Variants in RBFOX1 observed in about 807,000 individuals in gnomAD.
RBFOX1 encodes the protein RNA binding fox-1 homolog 1, also known as RNA binding protein fox-1 homolog 1.
Under a neutral mutation model 57.7 loss-of-function variants are expected in RBFOX1, and 8 were observed. That is an observed-to-expected ratio of 0.14 (90% CI 0.08 to 0.25). RBFOX1 has a LOEUF of 0.25. RBFOX1 is among the 10% of genes least tolerant of loss of function. The probability of loss-of-function intolerance (pLI) is 1.00; values close to 1 mark genes in which losing one functional copy is unlikely to be tolerated. For synonymous variants in RBFOX1, 326 were observed against 222.4 expected, an observed-to-expected ratio of 1.47 and a Z score of -4.15; for missense variants, 611 against 548.5, an observed-to-expected ratio of 1.11 and a Z score of -1.14.
chr16:5,289,507 T>A, intron 1 of RBFOX1: 1 of 173,926 alleles, frequency 5.7e-6, no homozygotes, highest in Admixed American at 6.5e-5. Context: ...ATTTTATACA[T>A]GTAGACCTGG....
chr16:7,611,091 A>G (rs1596464180), intron 10 of RBFOX1, among the ~76,000 whole-genome samples: 1 of 152,202 alleles, frequency 6.6e-6, no homozygotes, highest in East Asian at 1.9e-4. Flanking sequence ...CATGTTTTAT[A>G]ATATTCTCAT....
At position 6,654,631 on chromosome 16, in the gene RBFOX1, T is replaced by C; in HGVS notation, c.-35T>C. On this transcript the variant is annotated 5_prime_UTR_variant, in exon 3 of 16. Coordinates refer to ENST00000550418, the MANE Select transcript of RBFOX1 (RefSeq NM_018723.4). ...ATCAAAGCAGACTGCAATACCTGCG[T>C]GGAAATAGAAGACAGAAAGGTGAGT... The C allele has an allele frequency of 1.3e-6, 2 of 1,510,598 alleles. No individual in the cohort carries two copies. The highest frequency in any genetic ancestry group is 1.8e-6 in the Non-Finnish European group (2 of 1,138,630). The allele number at this position is 1,510,598 out of a possible 1,614,324, so 93.6% of individuals were successfully genotyped here.
rs559430514 is a variant in RBFOX1, at chr16:6,089,163, G to T, written c.-127+69171G>T. Among the ~76,000 whole-genome samples, 291 of 151,866 alleles carry T rather than the reference G, an allele frequency of 1.9e-3. 1 individual carries two copies. Among genetic ancestry groups the T allele is most frequent in the African/African-American group, 6.2e-3 (257 of 41,392 alleles). The stretch of plus-strand genomic sequence containing the variant: ...AGGACCACCAAGTGATCATTTATAA[G>T]ATGCTGCGAGAATTGCTAAAGTTGA... On this transcript the variant is annotated intron_variant, in intron 1 of 15. Coordinates refer to ENST00000550418, the MANE Select transcript of RBFOX1 (RefSeq NM_018723.4).
At chr16:6,063,834 C>T (rs965414762) in intron 1 of RBFOX1, among the ~76,000 whole-genome samples, 13 of 152,158 alleles carry the variant, frequency 8.5e-5, no homozygotes, top group Non-Finnish European at 1.3e-4. Context: ...AGATGCTTGA[C>T]AGCCTCCTTG....
intron 4 of RBFOX1, among the ~76,000 whole-genome samples, chr16:5,977,679 C>T (rs1470383874): frequency 6.6e-6 from 1 of 152,072 alleles, no homozygotes. Flanking sequence ...GGAAAACAGG[C>T]TCAGTTGTCT....
At position 5,529,848 on chromosome 16, in the gene RBFOX1, A is replaced by C. The variant is rs1405088725; in HGVS notation, c.258+62594A>C. Reference sequence around the variant, plus strand: ...TTCCCAAAGTGCTGGAATTACAGGCATGAGCCATCGTGCCTGTCCTCAGTG... The same window carrying C: ...TTCCCAAAGTGCTGGAATTACAGGCCTGAGCCATCGTGCCTGTCCTCAGTG... On this transcript the variant is annotated intron_variant, in intron 2 of 2. Coordinates refer to the RBFOX1 transcript ENST00000585867. 2.6e-5 allele frequency among the ~76,000 whole-genome samples: 4 copies of C among 152,122 alleles called. No individual in the cohort carries two copies. In the East Asian group the frequency reaches 7.7e-4, roughly 29 times the overall value.
intron 3 of RBFOX1, among the ~76,000 whole-genome samples, chr16:5,849,468 A>C (rs997064236): frequency 6.6e-6 from 1 of 152,114 alleles, no homozygotes; most frequent in African/African-American, 2.4e-5. Flanking sequence ...CCAGGCATCC[A>C]GTTTCTCCCA....
chr16:6,054,496 C>T (rs1045167152), intron 1 of RBFOX1, among the ~76,000 whole-genome samples: 6 of 152,040 alleles, frequency 3.9e-5, no homozygotes, highest in Admixed American at 2.0e-4. Flanking sequence ...AGAGTAAATG[C>T]GAAGTATATC....
At chr16:6,002,322 G>C (rs1015261609) in intron 4 of RBFOX1, among the ~76,000 whole-genome samples, 56 of 152,244 alleles carry the variant, frequency 3.7e-4, no homozygotes, top group Admixed American at 1.2e-3. Context: ...TAGATTAACA[G>C]GCTAATTTGC....
At chr16:6,931,343 A>ACACG (rs1338213700) in intron 3 of RBFOX1, among the ~76,000 whole-genome samples, 1 of 114,382 alleles carries the variant, frequency 8.7e-6, no homozygotes, top group African/African-American at 2.8e-5. Flanking sequence ...CTATCTCTAC[A>ACACG]CACACACACA....
At chr16:5,800,817 C>A (rs968752314) in intron 3 of RBFOX1, among the ~76,000 whole-genome samples, 2 of 151,974 alleles carry the variant, frequency 1.3e-5, no homozygotes, top group African/African-American at 4.8e-5. Context: ...TTTTCTGGGG[C>A]AAATCACAGA....
At chr16:6,054,491 A>C (rs1213276109) in intron 1 of RBFOX1, among the ~76,000 whole-genome samples, 1 of 152,228 alleles carries the variant, frequency 6.6e-6, no homozygotes, top group African/African-American at 2.4e-5. Flanking sequence ...CTTTGAGAGT[A>C]AATGCGAAGT....
At chr16:6,110,764 A>G (rs1328820576) in intron 1 of RBFOX1, among the ~76,000 whole-genome samples, 1 of 152,280 alleles carries the variant, frequency 6.6e-6, no homozygotes, top group South Asian at 2.1e-4. Flanking sequence ...ACACTAGGCC[A>G]TGCCTTGAGA....
intron 3 of RBFOX1, among the ~76,000 whole-genome samples, chr16:6,945,981 T>C (rs974120207): frequency 6.6e-6 from 1 of 152,224 alleles, no homozygotes; most frequent in Admixed American, 6.5e-5. Flanking sequence ...CACAAGTGTC[T>C]TTTGGCCTGA....
chr16:5,725,318 A>G (rs761478967), intron 3 of RBFOX1, among the ~76,000 whole-genome samples: 3 of 152,070 alleles, frequency 2.0e-5, no homozygotes, highest in Non-Finnish European at 4.4e-5. Flanking sequence ...GTCTTAGCTC[A>G]CTGTAGGCTT....
chr16:5,818,107 G>A (rs2055709913), intron 3 of RBFOX1, among the ~76,000 whole-genome samples: 1 of 152,174 alleles, frequency 6.6e-6, no homozygotes, highest in Non-Finnish European at 1.5e-5. Context: ...TCCCCATTCT[G>A]ATCACTAGTA....
At chr16:6,846,257 C>G (rs919332625) in intron 3 of RBFOX1, among the ~76,000 whole-genome samples, 2 of 152,130 alleles carry the variant, frequency 1.3e-5, no homozygotes, top group East Asian at 1.9e-4. Context: ...CCTCCTATTA[C>G]GTGAATTGGC....
chr16:6,936,454 A>G lies in RBFOX1; in HGVS notation c.-15-115603A>G, dbSNP rs186086571. On this transcript the variant is annotated intron_variant, in intron 3 of 15. Transcript: ENST00000550418. ...GATGCATTTTGTTAGTGCCTGTCCTATTATCATTACTTTCTTCCTTCATCC... is the reference window on the plus strand; with the variant it reads ...GATGCATTTTGTTAGTGCCTGTCCTGTTATCATTACTTTCTTCCTTCATCC... Among the ~76,000 whole-genome samples the G allele has an allele frequency of 3.2e-3, 484 of 152,256 alleles. 2 individuals are homozygous for G. Among genetic ancestry groups the G allele is most frequent in the Admixed American group, 6.1e-3 (93 of 15,298 alleles).
intron 2 of RBFOX1, among the ~76,000 whole-genome samples, chr16:5,526,973 C>T (rs76056938): frequency 0.034 from 5,205 of 152,196 alleles, 293 homozygotes; most frequent in African/African-American, 0.12. Flanking sequence ...TGGTCCTTCC[C>T]GGGATTTCTG....
Sources: allele counts gnomAD v4.1 joint callset (sites outside exome capture counted in the v4.1 genomes callset), GRCh38; gene constraint gnomAD v4.1.1; transcripts MANE v1.5; gene names NCBI Gene and HGNC (gene_info 2026-07-23, HGNC 2026-07-21).